The following FTO variants were observed in gnomAD, a reference collection of about 807,000 sequenced individuals.
The protein encoded by FTO is alpha-ketoglutarate-dependent dioxygenase FTO.
FTO carries 47 observed loss-of-function variants against 63.9 expected under a neutral mutation model. That is an observed-to-expected ratio of 0.74 (90% CI 0.58 to 0.94). The LOEUF (loss-of-function observed/expected upper bound fraction) is 0.94, where lower values mean the gene tolerates loss of function less well. Ranked by LOEUF, FTO falls within the 40% of genes least tolerant of loss-of-function variation. The pLI is 0.00. For missense variants in FTO, 562 were observed against 618.1 expected (o/e 0.91, Z 0.96); for synonymous variants, 207 against 224.4 (o/e 0.92, Z 0.69).
intron 7 of FTO, among the ~76,000 whole-genome samples, chr16:53,929,538 A>AT (rs369777655): frequency 1.3e-5 from 2 of 152,162 alleles, no homozygotes; most frequent in East Asian, 1.9e-4. Flanking sequence ...ATAAGTTATC[A>AT]TTTTTTTAGA....
intron 7 of FTO, among the ~76,000 whole-genome samples, chr16:53,930,264 C>T (rs1203613541): frequency 8.9e-5 from 11 of 122,986 alleles, no homozygotes; most frequent in African/African-American, 3.5e-4. Flanking sequence ...GAGTCTCGCT[C>T]CCAGGCTGGA....
At chr16:53,811,980 T>G (rs980006673) in intron 2 of FTO, among the ~76,000 whole-genome samples, 5 of 150,166 alleles carry the variant, frequency 3.3e-5, no homozygotes, top group Non-Finnish European at 7.5e-5. Context: ...GCCTGGCTAA[T>G]TTTTTGTATT....
intron 1 of FTO, among the ~76,000 whole-genome samples, chr16:53,733,441 T>C (rs1224566917): frequency 6.6e-6 from 1 of 151,980 alleles, no homozygotes; most frequent in Non-Finnish European, 1.5e-5. Context: ...GAAGATGAGC[T>C]GAATACAGGG....
intron 1 of FTO, 59 bp from the exon 2 acceptor site, chr16:53,810,081 G>C (rs1410032825): frequency 2.7e-6 from 3 of 1,112,322 alleles, no homozygotes; most frequent in Non-Finnish European, 2.7e-6. Context: ...AAAAATAAGA[G>C]AGTGTCTTAC....
At chr16:53,861,950 C>T (rs2080185568) in intron 4 of FTO, among the ~76,000 whole-genome samples, 1 of 152,044 alleles carries the variant, frequency 6.6e-6, no homozygotes, top group Non-Finnish European at 1.5e-5. Context: ...TATCAAACTT[C>T]CCCCTTAAAA....
Position 53,704,766 on chromosome 16 carries a change from A to G in FTO, c.45+537A>G, listed in dbSNP as rs137978663. 2.0e-3 allele frequency among the ~76,000 whole-genome samples: 298 copies of G among 152,362 alleles called. 1 individual carries two copies. The highest frequency in any genetic ancestry group is 6.8e-3 in the Middle Eastern group (2 of 294). ...GTAGTTGCCATTCCATGGGATGACC[A>G]TAATAATGGCAACAGAGATTTTAAA... On this transcript the variant is annotated intron_variant, in intron 1 of 8. Coordinates refer to ENST00000471389, the MANE Select transcript of FTO (RefSeq NM_001080432.3).
chr16:53,771,497 A>G (rs903812347), intron 1 of FTO, among the ~76,000 whole-genome samples: 3 of 152,084 alleles, frequency 2.0e-5, no homozygotes, highest in Non-Finnish European at 4.4e-5. Context: ...TTCCCTACAT[A>G]GCAATCAAAG....
At position 54,116,952 on chromosome 16, in the gene FTO, T is replaced by C. The variant is rs79262752; in HGVS notation, c.*5037T>C. On this transcript the variant is annotated 3_prime_UTR_variant, in exon 9 of 9. Transcript: ENST00000471389. Reference sequence around the variant, plus strand: ...CCCCATGCTCCCAGGACAGTCCTAATTCCCACCTCTCAGAACCTTGTCAGC... The same window carrying C: ...CCCCATGCTCCCAGGACAGTCCTAACTCCCACCTCTCAGAACCTTGTCAGC... The C allele has an allele frequency of 2.8e-3, 425 of 152,404 alleles. 12 individuals carry two copies. In the East Asian group the frequency reaches 0.073, roughly 26 times the overall value. The allele number at this position is 152,404 out of a possible 1,614,324, so 9.4% of individuals were successfully genotyped here. A position where few individuals can be genotyped will look rare whatever the true frequency, so the allele number is the denominator to read the frequency against.
chr16:53,783,231 C>T (rs986047413), intron 1 of FTO, among the ~76,000 whole-genome samples: 13 of 152,148 alleles, frequency 8.5e-5, no homozygotes, highest in Admixed American at 3.9e-4. Flanking sequence ...CCTGTAATCC[C>T]AGCACTTCGG....
chr16:53,902,240 G>C (rs1357097693), intron 7 of FTO, among the ~76,000 whole-genome samples: 2 of 152,138 alleles, frequency 1.3e-5, no homozygotes, highest in Non-Finnish European at 2.9e-5. Flanking sequence ...GCTAGGCTCT[G>C]ACAAGCTGAG....
intron 4 of FTO, among the ~76,000 whole-genome samples, chr16:53,854,590 G>T (rs764979286): frequency 6.6e-6 from 1 of 152,112 alleles, no homozygotes; most frequent in Non-Finnish European, 1.5e-5. Context: ...TCAGTTAGTT[G>T]TAAGTATTTG....
intron 8 of FTO, among the ~76,000 whole-genome samples, chr16:54,109,601 G>A (rs1424188394): frequency 6.6e-6 from 1 of 152,204 alleles, no homozygotes; most frequent in Non-Finnish European, 1.5e-5. Flanking sequence ...CAGGGTGCAA[G>A]GGATTACAGG....
intron 3 of FTO, among the ~76,000 whole-genome samples, chr16:53,834,483 TA>T (rs2079235573): frequency 6.6e-6 from 1 of 152,210 alleles, no homozygotes; most frequent in African/African-American, 2.4e-5. Flanking sequence ...GCAAGTTACT[TA>T]AATTCTTTGT....
chr16:53,945,453 A>C (rs1413331367), intron 8 of FTO, among the ~76,000 whole-genome samples: 1 of 152,218 alleles, frequency 6.6e-6, no homozygotes, highest in Non-Finnish European at 1.5e-5. Flanking sequence ...AAGAGCAATA[A>C]CAAAGCTTTA....
intron 4 of FTO, among the ~76,000 whole-genome samples, chr16:53,859,975 A>G (rs2080123517): frequency 6.6e-6 from 1 of 152,214 alleles, no homozygotes; most frequent in African/African-American, 2.4e-5. Flanking sequence ...TCTCAAAGAG[A>G]TATCTTCATT....
chr16:53,979,198 T>C (rs768372252), intron 8 of FTO, among the ~76,000 whole-genome samples: 1 of 152,246 alleles, frequency 6.6e-6, no homozygotes, highest in Non-Finnish European at 1.5e-5. Flanking sequence ...CTTTTAAATA[T>C]TATGACAGAC....
intron 8 of FTO, among the ~76,000 whole-genome samples, chr16:54,029,080 G>A (rs1327999998): frequency 6.6e-6 from 1 of 152,178 alleles, no homozygotes; most frequent in African/African-American, 2.4e-5. Flanking sequence ...CCTGGAATCT[G>A]TAGGCAACAC....
chr16:53,856,248 G>C (rs2079988843), intron 4 of FTO, among the ~76,000 whole-genome samples: 1 of 151,958 alleles, frequency 6.6e-6, no homozygotes, highest in South Asian at 2.1e-4. Flanking sequence ...CCGGGAATGA[G>C]TTTGACTTTC....
intron 8 of FTO, among the ~76,000 whole-genome samples, chr16:54,091,180 T>A (rs2086376253): frequency 6.6e-6 from 1 of 152,142 alleles, no homozygotes. Context: ...GACATATGCA[T>A]GGAACAAGTG....
Sources: allele counts gnomAD v4.1 joint callset (sites outside exome capture counted in the v4.1 genomes callset), GRCh38; gene constraint gnomAD v4.1.1; transcripts MANE v1.5; gene names NCBI Gene and HGNC (gene_info 2026-07-23, HGNC 2026-07-21).